LRRCC1: variants seen among roughly 807,000 people sequenced by gnomAD.
The protein encoded by LRRCC1 is leucine rich repeat and coiled-coil centrosomal protein 1.
Under a neutral mutation model 126.0 loss-of-function variants are expected in LRRCC1, and 115 were observed. The ratio of observed to expected loss-of-function variants is 0.91; its 90% CI spans 0.78 to 1.07. The LOEUF is 1.07. LRRCC1 is among the 50% of genes least tolerant of loss of function. LRRCC1 has a pLI of 0.00. For synonymous variants in LRRCC1, 400 were observed against 393.4 expected (o/e 1.02, Z -0.20); for missense variants, 1,172 against 1,175.7 (o/e 1.00, Z 0.05).
intron 15 of LRRCC1, 102 bp downstream of exon 15, chr8:85,137,729 T>A: frequency 1.1e-6 from 1 of 874,620 alleles, no homozygotes; most frequent in Non-Finnish European, 1.6e-6. Flanking sequence ...CCAACTGTTG[T>A]AAAATTTGGG....
At chr8:85,128,770 C>A (rs1810209218) in intron 9 of LRRCC1, among the ~76,000 whole-genome samples, 2 of 152,162 alleles carry the variant, frequency 1.3e-5, no homozygotes, top group Admixed American at 6.5e-5. Context: ...AGCATCCAGT[C>A]AGTCACCAAA....
rs556844808 is a variant in LRRCC1 at position 85,145,901 on chromosome 8, T to C, written c.*390T>C. 6.5e-6 allele frequency: 1 copy of C among 153,284 alleles called. No individual in the cohort carries two copies. The highest frequency in any genetic ancestry group is 1.9e-4 in the East Asian group (1 of 5,224). 9.5% of individuals were successfully genotyped at this position (153,284 alleles called of 1,614,324 possible). A position where few individuals can be genotyped will look rare whatever the true frequency, so the allele number is the denominator to read the frequency against. On this transcript the variant is annotated 3_prime_UTR_variant, in exon 19 of 19. Coordinates refer to ENST00000360375, the MANE Select transcript of LRRCC1 (RefSeq NM_033402.5). ...AGAACTAATTATATTTGTTATTTAA[T>C]TGATGTAGCTCAATTCTTTTAAAGT...
chr8:85,140,508 T>A (rs1321743480), intron 17 of LRRCC1, among the ~76,000 whole-genome samples: 1 of 152,180 alleles, frequency 6.6e-6, no homozygotes, highest in African/African-American at 2.4e-5. Flanking sequence ...AACCAGAAAA[T>A]GTGCTCTTTT....
Position 85,109,743 on chromosome 8 carries a change from AC to A in LRRCC1, c.254del (p.Thr85AsnfsTer2), listed in dbSNP as rs1808552560. The A allele has an allele frequency of 6.2e-7, 1 of 1,602,426 alleles. No individual in the cohort carries two copies. The highest frequency in any genetic ancestry group is 1.3e-5 in the African/African-American group (1 of 74,714). On this transcript the variant is annotated frameshift_variant, in exon 2 of 19. Coordinates refer to ENST00000360375, the MANE Select transcript of LRRCC1 (RefSeq NM_033402.5). LOFTEE classifies it high-confidence loss of function. ...AATAAGTAGAATTGAAGGACTAAAC[AC>A]ACTGACAAAACTGTGCACATTAAAT... is the stretch of plus-strand genomic sequence containing the variant. ...NQISRIEGLN[T>X]LTKLCTLNLS... is the part of the protein sequence containing the mutation.
chr8:85,117,236 C>A (rs1409626824), intron 6 of LRRCC1, among the ~76,000 whole-genome samples: 1 of 152,092 alleles, frequency 6.6e-6, no homozygotes, highest in African/African-American at 2.4e-5. Flanking sequence ...ACTTTATTTG[C>A]AAGATAGTTG....
chr8:85,139,183 T>TGCCAG (rs1811081559), intron 17 of LRRCC1, among the ~76,000 whole-genome samples: 1 of 152,220 alleles, frequency 6.6e-6, no homozygotes, highest in South Asian at 2.1e-4. Flanking sequence ...GCCAGTTGAC[T>TGCCAG]ACCAGGGTCA....
In LRRCC1 at chr8:85,131,766, A is replaced by G. The variant is rs1025283182; in HGVS notation, c.1773A>G (p.Glu591=). The G allele has an allele frequency of 6.2e-7, 1 of 1,611,150 alleles. No homozygotes were observed. The highest frequency in any genetic ancestry group is 1.3e-5 in the African/African-American group (1 of 74,672). The change falls in exon 12 of 19, where the codon GAA becomes GAG. Residue 591 remains glutamate, a synonymous_variant. Transcript: ENST00000360375. The part of the protein sequence containing the change: ...LALKEQEHRK[E]LETREFFTDA... ...TATATGTTTTTCACTCCAGGAAGGAACTTGAAACAAGGGAGTTTTTTACTG... is the reference window on the plus strand; with the variant it reads ...TATATGTTTTTCACTCCAGGAAGGAGCTTGAAACAAGGGAGTTTTTTACTG...
At chr8:85,128,488 A>T (rs1036117830) in intron 9 of LRRCC1, among the ~76,000 whole-genome samples, 2 of 123,504 alleles carry the variant, frequency 1.6e-5, no homozygotes, top group African/African-American at 3.2e-5. Context: ...CTGTTCCCTT[A>T]TGTGCCTTGG....
intron 2 of LRRCC1, 54 bp downstream of exon 2, chr8:85,109,854 AT>A: frequency 1.7e-5 from 16 of 919,428 alleles, no homozygotes; most frequent in Non-Finnish European, 1.9e-5. Context: ...ATTTAGGTCC[AT>A]TTTTTTCCCC....
Position 85,123,239 on chromosome 8 carries a change from T to C in LRRCC1, c.931-174T>C, listed in dbSNP as rs193129431. 3.9e-5 allele frequency among the ~76,000 whole-genome samples: 6 copies of C among 152,242 alleles called. No homozygotes were observed. The East Asian group carries it at 1.2e-3, about 29-fold the overall frequency. ...ATAATTATCTGCAGGAAAGTCAACA[T>C]GGTAGAAGCTTGCTTGTCCATACCA... On this transcript the variant is annotated intron_variant, in intron 6 of 18. Coordinates refer to ENST00000360375, the MANE Select transcript of LRRCC1 (RefSeq NM_033402.5).
At chr8:85,140,825 G>T (rs1220291868) in intron 17 of LRRCC1, among the ~76,000 whole-genome samples, 4 of 152,172 alleles carry the variant, frequency 2.6e-5, no homozygotes, top group Non-Finnish European at 5.9e-5. Context: ...TACTTTGGGA[G>T]GCCGAGGCGG....
chr8:85,134,399 C>A (rs1450849687), intron 12 of LRRCC1, among the ~76,000 whole-genome samples: 1 of 152,146 alleles, frequency 6.6e-6, no homozygotes, highest in Admixed American at 6.5e-5. Context: ...CTCACTGCAG[C>A]CTCCTCCTCC....
chr8:85,115,004 G>A (rs1244680443), intron 4 of LRRCC1, 96 bp from the exon 5 acceptor site: 3 of 878,024 alleles, frequency 3.4e-6, no homozygotes, highest in Non-Finnish European at 5.1e-6. Flanking sequence ...AACTATTCCG[G>A]GTGATGTATC....
chr8:85,118,075 C>T (rs1809257022), intron 6 of LRRCC1, among the ~76,000 whole-genome samples: 2 of 151,992 alleles, frequency 1.3e-5, no homozygotes, highest in South Asian at 4.1e-4. Flanking sequence ...TATTTTTTGT[C>T]TACCATATAT....
In LRRCC1 at chr8:85,130,025, A is replaced by C. The variant is rs1810329548; in HGVS notation, c.1733A>C (p.His578Pro). The C allele has an allele frequency of 6.3e-7, 1 of 1,598,282 alleles. No individual in the cohort carries two copies. The highest frequency in any genetic ancestry group is 1.4e-5 in the African/African-American group (1 of 73,566). Residue 578 changes from histidine (H) to proline (P), a missense_variant, in exon 11 of 19, where the codon CAT (histidine) becomes CCT (proline). His to Pro is a moderately conservative substitution (Grantham distance 77). Coordinates refer to ENST00000360375, the MANE Select transcript of LRRCC1 (RefSeq NM_033402.5). The stretch of plus-strand genomic sequence containing the variant: ...GAAAGAGAACAAGCGCAACAACTTC[A>C]TCAACTTCTTGCATTGAAAGAACAG... ...HREREQAQQL[H>P]QLLALKEQEH...
In LRRCC1 at chr8:85,135,792, C is replaced by G; in HGVS notation, c.2158C>G (p.Gln720Glu). 1.3e-6 allele frequency: 2 copies of G among 1,484,606 alleles called. No homozygotes were observed. The highest frequency in any genetic ancestry group is 1.8e-6 in the Non-Finnish European group (2 of 1,113,120). The allele number at this position is 1,484,606 out of a possible 1,614,324, so 92.0% of individuals were successfully genotyped here. ...TTTTTTTTTTGGGAATATACAGAAT[C>G]AAATCAACACCCTTGAAATTTTAAT... ...KQETAANLQN[Q>E]INTLEILIED... is the part of the protein sequence containing the mutation. The change falls in exon 14 of 19, where the codon CAA (glutamine) becomes GAA (glutamate). Residue 720 changes from glutamine to glutamate, a missense_variant. Transcript: ENST00000360375.
intron 12 of LRRCC1, 52 bp downstream of exon 12, chr8:85,132,013 T>G (rs1042208126): frequency 7.6e-6 from 11 of 1,456,350 alleles, no homozygotes; most frequent in Non-Finnish European, 1.0e-5. Context: ...TAAGATATGG[T>G]TTGATGAGAG....
chr8:85,137,603 T>C lies in LRRCC1; in HGVS notation c.2469T>C (p.Thr823=). 1 of 1,472,714 alleles carries C rather than the reference T, an allele frequency of 6.8e-7. No individual in the cohort carries two copies. The highest frequency in any genetic ancestry group is 9.0e-7 in the Non-Finnish European group (1 of 1,115,470). The allele number at this position is 1,472,714 out of a possible 1,614,324, so 91.2% of individuals were successfully genotyped here. ...AGTGCAAAATCATAGACGACCAAAC[T>C]GAAACTATTAGAAAATTAAAAGATG... The part of the protein sequence containing the change: ...RIKCKIIDDQ[T]ETIRKLKDCL... Residue 823 remains threonine, a synonymous_variant, in exon 15 of 19, where the codon ACT becomes ACC. Coordinates refer to ENST00000360375, the MANE Select transcript of LRRCC1 (RefSeq NM_033402.5).
intron 6 of LRRCC1, among the ~76,000 whole-genome samples, chr8:85,120,880 A>G (rs1458300419): frequency 6.6e-6 from 1 of 152,128 alleles, no homozygotes; most frequent in Non-Finnish European, 1.5e-5. Context: ...AGTAGCCTCT[A>G]CTTTTGGTTA....
Sources: gnomAD v4.1 joint callset for allele counts (sites outside exome capture counted in the v4.1 genomes callset) on GRCh38, gnomAD v4.1.1 for gene constraint, MANE v1.5 for transcripts, NCBI Gene and HGNC (gene_info 2026-07-23, HGNC 2026-07-21) for gene names.